SUCLG2: variants seen among roughly 807,000 people sequenced by gnomAD.
SUCLG2 encodes the protein succinate-CoA ligase GDP-forming subunit beta.
Under a neutral mutation model 47.9 loss-of-function variants are expected in SUCLG2, and 42 were observed. That is an observed-to-expected ratio of 0.88 (90% CI 0.69 to 1.14). The LOEUF is 1.14. Among genes scored for constraint, SUCLG2 ranks in the 50% most tolerant of loss-of-function variants. SUCLG2 has a pLI of 0.00. For synonymous variants in SUCLG2, 195 were observed against 197.3 expected (o/e 0.99, Z 0.10); for missense variants, 571 against 525.9 (o/e 1.09, Z -0.84).
chr3:67,582,752 C>A (rs1344249747), intron 2 of SUCLG2, among the ~76,000 whole-genome samples: 1 of 148,882 alleles, frequency 6.7e-6, no homozygotes, highest in South Asian at 2.1e-4. Flanking sequence ...AAGTGTTCCC[C>A]TCTCTCCAAA....
Position 67,643,202 on chromosome 3 carries a change from C to T in SUCLG2, c.84+11301G>A, listed in dbSNP as rs150593218. ...CTGAACTTTGTGGTGAAAGGAGGTG[C>T]TCCCTACCATTTTCACTTTGCAAAC... On this transcript the variant is annotated intron_variant, in intron 1 of 10. Coordinates refer to ENST00000307227, the MANE Select transcript of SUCLG2 (RefSeq NM_003848.4). Among the ~76,000 whole-genome samples, 770 of 152,314 alleles carry T rather than the reference C, an allele frequency of 5.1e-3. 6 individuals carry two copies. Among genetic ancestry groups the T allele is most frequent in the African/African-American group, 0.017 (700 of 41,558 alleles).
Position 67,609,608 on chromosome 3 carries a change from G to A in SUCLG2, c.85-12C>T, listed in dbSNP as rs180769493. The A allele has an allele frequency of 6.8e-6, 11 of 1,611,934 alleles. No homozygotes were observed. The East Asian group carries it at 2.2e-4, about 33-fold the overall frequency. ...GTTAATTGAACTGCCTACAGAAATT[G>A]AAGGAGAGAGGTAAGAACATTCATT... On this transcript the variant is annotated splice_polypyrimidine_tract_variant and intron_variant, in intron 1 of 10. Transcript: ENST00000307227.
At chr3:67,617,098 A>G (rs1700643977) in intron 1 of SUCLG2, among the ~76,000 whole-genome samples, 2 of 152,212 alleles carry the variant, frequency 1.3e-5, no homozygotes, top group African/African-American at 4.8e-5. Context: ...TGAGGCCTCA[A>G]ATAAATGTGT....
At chr3:67,378,297 A>G (rs1380491827) in intron 10 of SUCLG2, among the ~76,000 whole-genome samples, 2 of 152,170 alleles carry the variant, frequency 1.3e-5, no homozygotes, top group Non-Finnish European at 2.9e-5. Context: ...ACATGGCAAA[A>G]GTGATGGAGT....
In SUCLG2 at chr3:67,376,376, C is replaced by T. The variant is rs994415565; in HGVS notation, c.1184-517G>A. On this transcript the variant is annotated intron_variant, in intron 10 of 10. Coordinates refer to ENST00000307227, the MANE Select transcript of SUCLG2 (RefSeq NM_003848.4). Reference sequence around the variant, plus strand: ...CCCTTCAAAACGGGCAAAGCAGCCTCTGATGGCAATCTCTTGACTGTTCCT... The same window carrying T: ...CCCTTCAAAACGGGCAAAGCAGCCTTTGATGGCAATCTCTTGACTGTTCCT... 3.0e-6 allele frequency: 3 copies of T among 985,420 alleles called. No individual in the cohort carries two copies. In the African/African-American group the frequency reaches 5.2e-5, roughly 17 times the overall value. The allele number at this position is 985,420 out of a possible 1,614,324, so 61.0% of individuals were successfully genotyped here.
intron 1 of SUCLG2, among the ~76,000 whole-genome samples, chr3:67,642,903 C>T (rs1701125109): frequency 6.9e-6 from 1 of 145,722 alleles, no homozygotes; most frequent in Non-Finnish European, 1.5e-5. Context: ...CAGGCAAGTC[C>T]AACAGAAAAG....
chr3:67,444,326 G>A (rs1431800311), intron 9 of SUCLG2, among the ~76,000 whole-genome samples: 3 of 81,794 alleles, frequency 3.7e-5, no homozygotes, highest in Non-Finnish European at 5.2e-5. Flanking sequence ...CCCCGTCTGG[G>A]AGGGAGGTGG....
At chr3:67,480,956 T>C (rs1704898699) in intron 9 of SUCLG2, among the ~76,000 whole-genome samples, 1 of 152,170 alleles carries the variant, frequency 6.6e-6, no homozygotes, top group Non-Finnish European at 1.5e-5. Context: ...TAGGACAATG[T>C]GATTACCGCA....
At chr3:67,476,328 G>A (rs1447595140) in intron 9 of SUCLG2, among the ~76,000 whole-genome samples, 1 of 152,046 alleles carries the variant, frequency 6.6e-6, no homozygotes, top group Non-Finnish European at 1.5e-5. Context: ...TCCGATCAGT[G>A]GCGGGATTAG....
intron 6 of SUCLG2, 110 bp from the exon 7 acceptor site, chr3:67,509,013 G>C (rs1287707167): frequency 1.3e-5 from 10 of 756,798 alleles, no homozygotes; most frequent in Non-Finnish European, 1.9e-5. Context: ...TTTTCAGTTA[G>C]GTTTTCTGAA....
chr3:67,424,721 C>A (rs1351746154), intron 9 of SUCLG2, among the ~76,000 whole-genome samples: 1 of 152,120 alleles, frequency 6.6e-6, no homozygotes, highest in East Asian at 1.9e-4. Flanking sequence ...CCACCAGCAT[C>A]ACTTCTGCCA....
intron 1 of SUCLG2, among the ~76,000 whole-genome samples, chr3:67,618,131 G>A (rs1700663218): frequency 6.6e-6 from 1 of 152,152 alleles, no homozygotes; most frequent in African/African-American, 2.4e-5. Flanking sequence ...CTTAAAATGT[G>A]CTACTTAGGG....
chr3:67,538,317 G>C (rs1706602903), intron 2 of SUCLG2, among the ~76,000 whole-genome samples: 2 of 152,156 alleles, frequency 1.3e-5, no homozygotes, highest in Non-Finnish European at 2.9e-5. Context: ...CACCCTTTAG[G>C]AAGAGGGAAT....
intron 2 of SUCLG2, among the ~76,000 whole-genome samples, chr3:67,582,800 T>C (rs1707915756): frequency 6.6e-6 from 1 of 152,222 alleles, no homozygotes; most frequent in Non-Finnish European, 1.5e-5. Context: ...TTTTTACTAG[T>C]AGCCATTCTG....
intron 9 of SUCLG2, among the ~76,000 whole-genome samples, chr3:67,484,566 T>G (rs1047999141): frequency 6.6e-6 from 1 of 152,186 alleles, no homozygotes; most frequent in Non-Finnish European, 1.5e-5. Context: ...TCAGGAAAGC[T>G]CTATACCTTG....
At chr3:67,581,233 A>G (rs1355227866) in intron 2 of SUCLG2, among the ~76,000 whole-genome samples, 1 of 152,228 alleles carries the variant, frequency 6.6e-6, no homozygotes, top group Non-Finnish European at 1.5e-5. Context: ...TCTCAAGAGT[A>G]AAGTCCAAAA....
chr3:67,460,972 C>T (rs928572923), intron 9 of SUCLG2, among the ~76,000 whole-genome samples: 1 of 152,072 alleles, frequency 6.6e-6, no homozygotes, highest in Non-Finnish European at 1.5e-5. Context: ...CATAATTTGT[C>T]TAACGTCTCT....
chr3:67,548,870 A>G (rs1706935483), intron 2 of SUCLG2, among the ~76,000 whole-genome samples: 1 of 152,182 alleles, frequency 6.6e-6, no homozygotes, highest in Admixed American at 6.5e-5. Flanking sequence ...CAGGTATGAG[A>G]CTATCCAAAG....
intron 2 of SUCLG2, among the ~76,000 whole-genome samples, chr3:67,564,273 T>C (rs1328896587): frequency 6.6e-6 from 1 of 152,194 alleles, no homozygotes; most frequent in African/African-American, 2.4e-5. Context: ...TTCCAGCATA[T>C]ACACTTTGTT....
Sources: allele counts gnomAD v4.1 joint callset (sites outside exome capture counted in the v4.1 genomes callset), GRCh38; gene constraint gnomAD v4.1.1; transcripts MANE v1.5; gene names NCBI Gene and HGNC (gene_info 2026-07-23, HGNC 2026-07-21).